PDHX: variants seen among roughly 807,000 people sequenced by gnomAD.
PDHX encodes the protein pyruvate dehydrogenase protein X component, mitochondrial.
A neutral mutation model predicts 55.3 loss-of-function variants in PDHX; 33 were observed. The ratio of observed to expected loss-of-function variants is 0.60; its 90% confidence interval spans 0.45 to 0.80. PDHX has a LOEUF of 0.80. PDHX is among the 30% of genes least tolerant of loss of function. The probability of loss-of-function intolerance (pLI) is 0.00; values close to 1 mark genes in which losing one functional copy is unlikely to be tolerated. For synonymous variants in PDHX, 226 were observed against 219.4 expected (o/e 1.03, Z -0.27); for missense variants, 622 against 619.9 (o/e 1.00, Z -0.04).
chr11:34,936,893 A>G lies in PDHX; in HGVS notation c.241+5409A>G, dbSNP rs576847994. 1.0e-4 allele frequency among the ~76,000 whole-genome samples: 15 copies of G among 144,484 alleles called. No homozygotes were observed. In the South Asian group the frequency reaches 3.0e-3, roughly 29 times the overall value. The allele number at this position is 144,484 out of a possible 152,430, so 94.8% of individuals were successfully genotyped here. ...AACCTCCACCTCCCAGGTTCACGTG[A>G]GTCTTGTGCCTCAGCCTCCCAAGTA... On this transcript the variant is annotated intron_variant, in intron 2 of 10. Transcript: ENST00000227868.
At chr11:34,928,142 T>C (rs992742753) in intron 1 of PDHX, among the ~76,000 whole-genome samples, 1 of 152,104 alleles carries the variant, frequency 6.6e-6, no homozygotes, top group Non-Finnish European at 1.5e-5. Context: ...AAATGTGAAT[T>C]GTGTCGTGAC....
At chr11:34,984,354 A>C (rs1003714864) in intron 8 of PDHX, among the ~76,000 whole-genome samples, 2 of 152,208 alleles carry the variant, frequency 1.3e-5, no homozygotes, top group African/African-American at 2.4e-5. Flanking sequence ...GAATTTCTTC[A>C]AACTTGCTTC....
intron 1 of PDHX, among the ~76,000 whole-genome samples, chr11:34,920,766 T>C (rs17348711): frequency 0.22 from 33,526 of 152,030 alleles, 4,898 homozygotes; most frequent in Non-Finnish European, 0.34. Flanking sequence ...TGTACTCTTA[T>C]CTCTACGGAA....
At chr11:34,916,321 G>A, upstream of PDHX, 1 of 1,607,296 alleles carries the variant, frequency 6.2e-7, no homozygotes, top group Non-Finnish European at 8.5e-7. Flanking sequence ...TCCAATCTCC[G>A]CACGGCTTTG....
chr11:34,990,464 G>GT (rs1197103149), intron 9 of PDHX, among the ~76,000 whole-genome samples: 1 of 152,120 alleles, frequency 6.6e-6, no homozygotes, highest in Admixed American at 6.6e-5. Context: ...GATCTACAGA[G>GT]TTTTTGTTTT....
At position 34,995,453 on chromosome 11, in the gene PDHX, G is replaced by C. The variant is rs1207488310; in HGVS notation, c.*281G>C. 5.1e-6 allele frequency: 2 copies of C among 389,676 alleles called. No individual in the cohort carries two copies. The highest frequency in any genetic ancestry group is 9.7e-6 in the Non-Finnish European group (2 of 207,090). The allele number at this position is 389,676 out of a possible 1,614,324, so 24.1% of individuals were successfully genotyped here. A position where few individuals can be genotyped will look rare whatever the true frequency, so the allele number is the denominator to read the frequency against. ...GCTGTATAAAGGGAATATTAAACTAGATGTAAATCAAAGTATATGTTTGGC... is the reference window on the plus strand; with the variant it reads ...GCTGTATAAAGGGAATATTAAACTACATGTAAATCAAAGTATATGTTTGGC... On this transcript the variant is annotated 3_prime_UTR_variant, in exon 11 of 11. Transcript: ENST00000227868.
At chr11:34,919,923 A>G (rs1235459118) in intron 1 of PDHX, among the ~76,000 whole-genome samples, 1 of 152,200 alleles carries the variant, frequency 6.6e-6, no homozygotes, top group African/African-American at 2.4e-5. Context: ...AAAATTCTAT[A>G]TAGGGCTGAT....
At chr11:34,946,240 ATTT>A (rs1854616319) in intron 2 of PDHX, among the ~76,000 whole-genome samples, 1 of 151,468 alleles carries the variant, frequency 6.6e-6, no homozygotes, top group Non-Finnish European at 1.5e-5. Context: ...TTAATTTTTC[ATTT>A]TTAAGATTTC....
chr11:34,990,107 C>A (rs1855727818), intron 9 of PDHX, among the ~76,000 whole-genome samples: 1 of 152,092 alleles, frequency 6.6e-6, no homozygotes, highest in African/African-American at 2.4e-5. Flanking sequence ...AGTTGGTATT[C>A]CTTGAATAAA....
intron 9 of PDHX, among the ~76,000 whole-genome samples, chr11:34,991,906 C>CAAAAAAAAAAA (rs1169109545): frequency 8.0e-5 from 3 of 37,280 alleles, no homozygotes; most frequent in Admixed American, 2.9e-4. Context: ...TGAGACTTCT[C>CAAAAAAAAAAA]AAAAAAAAAA....
intron 2 of PDHX, among the ~76,000 whole-genome samples, chr11:34,947,112 G>T (rs1451309797): frequency 6.6e-6 from 1 of 152,180 alleles, no homozygotes; most frequent in Non-Finnish European, 1.5e-5. Flanking sequence ...ACTGTTAATT[G>T]TAAAACTTTT....
intron 5 of PDHX, among the ~76,000 whole-genome samples, chr11:34,961,768 T>A (rs139179392): frequency 6.6e-6 from 1 of 152,212 alleles, no homozygotes; most frequent in African/African-American, 2.4e-5. Flanking sequence ...ACACACATAC[T>A]GTGAAGTTCG....
At chr11:34,982,979 A>G (rs1218964023) in intron 8 of PDHX, among the ~76,000 whole-genome samples, 1 of 152,196 alleles carries the variant, frequency 6.6e-6, no homozygotes, top group Non-Finnish European at 1.5e-5. Flanking sequence ...AAAAAAGAGA[A>G]TTTTAGACCA....
Position 34,957,515 on chromosome 11 carries a change from G to A in PDHX, c.474G>A (p.Glu158=), listed in dbSNP as rs148723565. ...CACCACCAGTTTCAAAACCTTCAGAGCCTCGCCCCTCACCAGAACCACAGA... is the reference window on the plus strand; with the variant it reads ...CACCACCAGTTTCAAAACCTTCAGAACCTCGCCCCTCACCAGAACCACAGA... The part of the protein sequence containing the change: ...GPPPPVSKPS[E]PRPSPEPQIS... The change falls in exon 4 of 11, where the codon GAG becomes GAA. Residue 158 remains glutamate (E), a synonymous_variant. Coordinates refer to ENST00000227868, the MANE Select transcript of PDHX (RefSeq NM_003477.3). The A allele has an allele frequency of 4.1e-4, 655 of 1,614,024 alleles. 3 individuals carry two copies. In the African/African-American group the frequency reaches 8.1e-3, roughly 20 times the overall value.
rs765036658 is a variant in PDHX, at chr11:34,947,604, G to C, written c.340G>C (p.Val114Leu). The change falls in exon 3 of 11, where the codon GTG (valine) becomes CTG (leucine). Residue 114 changes from valine (V) to leucine (L), a missense_variant and splice_region_variant. By Grantham distance (32) the Val-to-Leu change is conservative. Transcript: ENST00000227868. ...ASDDGILAKI[V>L]VEEGSKNIRL... The stretch of plus-strand genomic sequence containing the variant: ...TGATGATGGAATCTTGGCCAAAATC[G>C]TGGTAAGTTTTTATTTTAATTTTCT... 2.5e-6 allele frequency: 4 copies of C among 1,596,022 alleles called. No individual in the cohort carries two copies. The highest frequency in any genetic ancestry group is 3.4e-6 in the Non-Finnish European group (4 of 1,163,596).
chr11:34,993,996 T>C (rs948303444), intron 10 of PDHX, among the ~76,000 whole-genome samples: 1 of 152,216 alleles, frequency 6.6e-6, no homozygotes, highest in African/African-American at 2.4e-5. Flanking sequence ...TTTGATACTA[T>C]TATAAATGGT....
intron 2 of PDHX, among the ~76,000 whole-genome samples, chr11:34,945,268 T>G (rs1484121341): frequency 1.3e-5 from 2 of 152,164 alleles, no homozygotes; most frequent in Non-Finnish European, 2.9e-5. Flanking sequence ...GTTTTACACT[T>G]TTTAAACCCT....
intron 7 of PDHX, among the ~76,000 whole-genome samples, chr11:34,973,008 GTGT>G (rs1356585599): frequency 1.3e-5 from 2 of 152,174 alleles, no homozygotes; most frequent in African/African-American, 2.4e-5. Context: ...CTGGTTAATA[GTGT>G]TGTTTATGTC....
chr11:34,971,430 T>C (rs958733302), intron 7 of PDHX, among the ~76,000 whole-genome samples: 90 of 152,280 alleles, frequency 5.9e-4, no homozygotes, highest in African/African-American at 2.0e-3. Flanking sequence ...TAGCTATAGG[T>C]TTTTTGTAGA....
Sources: gnomAD v4.1 joint callset for allele counts (sites outside exome capture counted in the v4.1 genomes callset) on GRCh38, gnomAD v4.1.1 for gene constraint, MANE v1.5 for transcripts, NCBI Gene and HGNC (gene_info 2026-07-23, HGNC 2026-07-21) for gene names.